The following CADM2 variants were observed in gnomAD, a reference collection of about 807,000 sequenced individuals.
The protein encoded by CADM2 is cell adhesion molecule 2, also known as immunoglobulin superfamily member 4D.
CADM2 carries 12 observed loss-of-function variants against 49.8 expected under a neutral mutation model. The observed-to-expected ratio is 0.24, with a 90% CI of 0.15 to 0.39. CADM2 has a LOEUF of 0.39. Ranked by LOEUF, CADM2 falls within the 10% of genes least tolerant of loss-of-function variation. The pLI, the probability that CADM2 is intolerant of heterozygous loss-of-function variation, is 1.00. For missense variants in CADM2, 378 were observed against 492.3 expected, an observed-to-expected ratio of 0.77 and a Z score of 2.20; for synonymous variants, 214 against 175.4, an observed-to-expected ratio of 1.22 and a Z score of -1.74.
intron 1 of CADM2, among the ~76,000 whole-genome samples, chr3:85,619,399 GA>G (rs949288507): frequency 5.9e-5 from 9 of 151,578 alleles, no homozygotes; most frequent in Non-Finnish European, 8.8e-5. Context: ...GGGAAAGAAG[GA>G]AAAAAAATAA....
intron 3 of CADM2, among the ~76,000 whole-genome samples, chr3:85,878,869 T>C (rs561233941): frequency 6.6e-6 from 1 of 152,134 alleles, no homozygotes; most frequent in East Asian, 1.9e-4. Flanking sequence ...TCTGTGTCAG[T>C]GGAACCTGTG....
chr3:85,119,166 C>T (rs865800502), intron 1 of CADM2, among the ~76,000 whole-genome samples: 2 of 152,094 alleles, frequency 1.3e-5, no homozygotes, highest in Admixed American at 6.6e-5. Context: ...TAATCCCAAC[C>T]CTTGGGAGGC....
chr3:85,588,507 C>T (rs550256497), intron 1 of CADM2, among the ~76,000 whole-genome samples: 7 of 152,134 alleles, frequency 4.6e-5, no homozygotes, highest in African/African-American at 1.7e-4. Context: ...ATTCTTCATG[C>T]TAAATAACTT....
At chr3:85,526,181 G>A (rs2061155388) in intron 1 of CADM2, among the ~76,000 whole-genome samples, 1 of 151,976 alleles carries the variant, frequency 6.6e-6, no homozygotes, top group African/African-American at 2.4e-5. Context: ...ATTTGTCTTT[G>A]ATCTTTCAAG....
intron 1 of CADM2, among the ~76,000 whole-genome samples, chr3:85,721,261 G>A (rs2067493534): frequency 6.6e-6 from 1 of 152,176 alleles, no homozygotes; most frequent in Admixed American, 6.5e-5. Flanking sequence ...CAATGGCAAT[G>A]TTTTGTTTTG....
chr3:85,854,188 C>A (rs1434532896), intron 3 of CADM2, among the ~76,000 whole-genome samples: 3 of 152,146 alleles, frequency 2.0e-5, no homozygotes, highest in Admixed American at 6.6e-5. Context: ...GACTGGAATT[C>A]TTTCACTGTA....
intron 1 of CADM2, among the ~76,000 whole-genome samples, chr3:85,577,984 TTTCCTTCCTTCCTTCC>T (rs35676169): frequency 2.6e-4 from 35 of 134,266 alleles, no homozygotes; most frequent in South Asian, 5.5e-4. Context: ...TATTAATCTC[TTTCCTTCCTTCCTTCC>T]TTCCTTCCTT....
At chr3:85,472,369 TTG>T (rs1284972169) in intron 1 of CADM2, among the ~76,000 whole-genome samples, 1 of 151,950 alleles carries the variant, frequency 6.6e-6, no homozygotes, top group East Asian at 1.9e-4. Flanking sequence ...AAAGTATAAG[TTG>T]TGTTATTCAT....
intron 2 of CADM2, among the ~76,000 whole-genome samples, chr3:85,771,365 T>C (rs757528226): frequency 9.9e-5 from 15 of 152,122 alleles, no homozygotes; most frequent in Non-Finnish European, 1.9e-4. Context: ...TTTACTATTT[T>C]AAGTTGAATA....
intron 1 of CADM2, among the ~76,000 whole-genome samples, chr3:85,718,664 A>G (rs982612267): frequency 3.9e-5 from 6 of 152,052 alleles, no homozygotes; most frequent in Non-Finnish European, 8.8e-5. Context: ...TACTAGAACC[A>G]TGAAAACGGT....
At chr3:85,217,965 G>A (rs2107785798) in intron 1 of CADM2, among the ~76,000 whole-genome samples, 1 of 151,658 alleles carries the variant, frequency 6.6e-6, no homozygotes, top group East Asian at 1.9e-4. Flanking sequence ...TGTATATTTG[G>A]ATATTTGGCC....
intron 1 of CADM2, among the ~76,000 whole-genome samples, chr3:85,629,485 T>G (rs1339857913): frequency 1.3e-5 from 2 of 151,900 alleles, no homozygotes; most frequent in African/African-American, 2.4e-5. Flanking sequence ...TGATAGAAAT[T>G]GTTACAAACT....
Position 85,156,301 on chromosome 3 carries a change from G to T in CADM2, c.61+196633G>T, listed in dbSNP as rs575462121. 1.3e-4 allele frequency among the ~76,000 whole-genome samples: 20 copies of T among 152,004 alleles called. No homozygotes were observed. The East Asian group carries it at 3.5e-3, about 26-fold the overall frequency. ...AACTGATAAAGGGGATATCACCACC[G>T]ATCCCATAGAAATACAAACTACCAT... On this transcript the variant is annotated intron_variant, in intron 1 of 9. Coordinates refer to ENST00000383699, the MANE Select transcript of CADM2 (RefSeq NM_001167675.2).
chr3:85,152,712 C>T (rs1409521808), intron 1 of CADM2, among the ~76,000 whole-genome samples: 3 of 152,136 alleles, frequency 2.0e-5, no homozygotes, highest in African/African-American at 7.2e-5. Flanking sequence ...AATCCCAGCA[C>T]TTTGGGAGTC....
chr3:85,548,565 C>A, intron 1 of CADM2, among the ~76,000 whole-genome samples: 1 of 152,050 alleles, frequency 6.6e-6, no homozygotes, highest in East Asian at 1.9e-4. Flanking sequence ...TAAGAAACAG[C>A]AGAGAGAGAC....
intron 1 of CADM2, among the ~76,000 whole-genome samples, chr3:85,639,150 A>G (rs889450667): frequency 6.6e-6 from 1 of 152,242 alleles, no homozygotes; most frequent in East Asian, 1.9e-4. Context: ...ACTTGTTGAA[A>G]ATAATTTCAA....
chr3:85,663,934 C>T (rs1263017792), intron 1 of CADM2, among the ~76,000 whole-genome samples: 1 of 151,896 alleles, frequency 6.6e-6, no homozygotes, highest in Non-Finnish European at 1.5e-5. Flanking sequence ...AGTCAATGTC[C>T]GTGGTCAATT....
chr3:85,838,351 G>T (rs72908587), intron 3 of CADM2, among the ~76,000 whole-genome samples: 6,576 of 151,902 alleles, frequency 0.043, 446 homozygotes, highest in African/African-American at 0.15. Flanking sequence ...CCAATTTCAA[G>T]TTGGCAGTAG....
chr3:85,071,351 T>C lies in CADM2; in HGVS notation c.61+111683T>C, dbSNP rs567249991. ...GTTGTCAGGACTCAGGACAAGTGCT[T>C]ATAAAATGTGGTTAGGAAGCATTCT... On this transcript the variant is annotated intron_variant, in intron 1 of 9. Coordinates refer to ENST00000383699, the MANE Select transcript of CADM2 (RefSeq NM_001167675.2). Among the ~76,000 whole-genome samples, 29 of 152,190 alleles carry C rather than the reference T, an allele frequency of 1.9e-4. No individual in the cohort carries two copies. The East Asian group carries it at 5.4e-3, about 28-fold the overall frequency.
Sources: allele counts gnomAD v4.1 joint callset (sites outside exome capture counted in the v4.1 genomes callset), GRCh38; gene constraint gnomAD v4.1.1; transcripts MANE v1.5; gene names NCBI Gene and HGNC (gene_info 2026-07-23, HGNC 2026-07-21).